The following LOC128462377 variants were observed in gnomAD, a reference collection of about 807,000 sequenced individuals.
At chr16:89,371,625 C>T in the LOC128462377 span, among the ~76,000 whole-genome samples, 3 of 152,302 alleles carry the variant, frequency 2.0e-5, no homozygotes, top group African/African-American at 2.4e-5. Flanking sequence ...TCCCTGCCCA[C>T]ATGACGACAC....
chr16:89,389,185 ATT>A, the LOC128462377 span, among the ~76,000 whole-genome samples: 1 of 146,538 alleles, frequency 6.8e-6, no homozygotes, highest in Admixed American at 6.8e-5. Context: ...CGTCTGGCTA[ATT>A]TTTTTTTTTT....
At chr16:89,402,371 G>C in the LOC128462377 span, among the ~76,000 whole-genome samples, 1 of 152,108 alleles carries the variant, frequency 6.6e-6, no homozygotes, top group Non-Finnish European at 1.5e-5. Context: ...GGGATTGAGC[G>C]CTTATTTAAA....
At chr16:89,384,080 C>T in the LOC128462377 span, among the ~76,000 whole-genome samples, 3 of 152,098 alleles carry the variant, frequency 2.0e-5, no homozygotes, top group Non-Finnish European at 2.9e-5. Flanking sequence ...ATTAGCCGGG[C>T]GTGGTGGCAG....
the LOC128462377 span, among the ~76,000 whole-genome samples, chr16:89,350,544 C>G: frequency 6.6e-6 from 1 of 152,178 alleles, no homozygotes; most frequent in Non-Finnish European, 1.5e-5. Context: ...ACACCAGACA[C>G]AAGAGTCCAC....
the LOC128462377 span, among the ~76,000 whole-genome samples, chr16:89,342,040 C>A: frequency 2.1e-3 from 183 of 88,856 alleles, 3 homozygotes; most frequent in Middle Eastern, 0.014. Context: ...CTGCCCACAG[C>A]GGCCACGGCC....
At chr16:89,360,465 A>T in the LOC128462377 span, 1 of 152,252 alleles carries the variant, frequency 6.6e-6, no homozygotes. Context: ...AAATTCTGAG[A>T]AACTATATAC....
At chr16:89,321,601 C>T in the LOC128462377 span, among the ~76,000 whole-genome samples, 18 of 151,998 alleles carry the variant, frequency 1.2e-4, no homozygotes, top group Non-Finnish European at 2.4e-4. Flanking sequence ...CCTTCTGAAC[C>T]CAAACCTGCA....
the LOC128462377 span, among the ~76,000 whole-genome samples, chr16:89,401,644 GC>G: frequency 1.3e-5 from 2 of 152,036 alleles, no homozygotes; most frequent in Non-Finnish European, 2.9e-5. Flanking sequence ...TGAAGTCCTA[GC>G]CCCCCAACAC....
the LOC128462377 span, among the ~76,000 whole-genome samples, chr16:89,409,668 G>C: frequency 6.6e-6 from 1 of 152,098 alleles, no homozygotes; most frequent in Admixed American, 6.6e-5. Context: ...ACACACACAC[G>C]AAAACTGGTT....
At chr16:89,404,295 T>C in the LOC128462377 span, among the ~76,000 whole-genome samples, 32 of 152,198 alleles carry the variant, frequency 2.1e-4, no homozygotes, top group South Asian at 6.2e-4. Flanking sequence ...GCAAAGACTC[T>C]GAGAACATCA....
chr16:89,409,284 A>G, the LOC128462377 span, among the ~76,000 whole-genome samples: 1 of 152,232 alleles, frequency 6.6e-6, no homozygotes, highest in South Asian at 2.1e-4. Flanking sequence ...TCACTAGGCT[A>G]CAAGAAAGCT....
the LOC128462377 span, among the ~76,000 whole-genome samples, chr16:89,402,981 C>G: frequency 6.6e-6 from 1 of 152,150 alleles, no homozygotes; most frequent in African/African-American, 2.4e-5. Flanking sequence ...GGCTCCAGCT[C>G]TAGAGCAAGG....
At chr16:89,393,243 C>A in the LOC128462377 span, among the ~76,000 whole-genome samples, 1 of 152,178 alleles carries the variant, frequency 6.6e-6, no homozygotes, top group African/African-American at 2.4e-5. Context: ...ATGGCTCCCA[C>A]CCTGGGACCA....
At chr16:89,399,878 GCA>G in the LOC128462377 span, among the ~76,000 whole-genome samples, 3 of 152,172 alleles carry the variant, frequency 2.0e-5, no homozygotes, top group African/African-American at 7.2e-5. Context: ...GATTCACACA[GCA>G]CAGAATCGGC....
the LOC128462377 span, among the ~76,000 whole-genome samples, chr16:89,372,368 G>A: frequency 6.6e-6 from 1 of 152,264 alleles, no homozygotes; most frequent in East Asian, 1.9e-4. Context: ...TGGAGAGCCC[G>A]AGTCACGGAG....
At chr16:89,393,359 C>A in the LOC128462377 span, among the ~76,000 whole-genome samples, 2 of 150,192 alleles carry the variant, frequency 1.3e-5, no homozygotes, top group Non-Finnish European at 3.0e-5. Context: ...AGTGCGAGAC[C>A]ACTCAGGCAG....
chr16:89,327,605 C>T, the LOC128462377 span, among the ~76,000 whole-genome samples: 4 of 152,142 alleles, frequency 2.6e-5, no homozygotes, highest in Admixed American at 2.6e-4. Flanking sequence ...AAGACAGTAC[C>T]ATCCTATTTC....
At chr16:89,348,307 C>T in the LOC128462377 span, among the ~76,000 whole-genome samples, 24 of 152,178 alleles carry the variant, frequency 1.6e-4, no homozygotes, top group African/African-American at 5.8e-4. Flanking sequence ...ATATGGTACA[C>T]TACATTGATT....
the LOC128462377 span, among the ~76,000 whole-genome samples, chr16:89,368,111 ACGCTAC>A: frequency 6.6e-6 from 1 of 152,180 alleles, no homozygotes; most frequent in Non-Finnish European, 1.5e-5. Flanking sequence ...AGTGCTCACT[ACGCTAC>A]TCATTGGTTT....
Sources: allele counts gnomAD v4.1 joint callset (sites outside exome capture counted in the v4.1 genomes callset), GRCh38; gene constraint gnomAD v4.1.1; transcripts MANE v1.5.